CHLSN: variants seen among roughly 807,000 people sequenced by gnomAD.
The protein encoded by CHLSN is cholesin.
the CHLSN span, among the ~76,000 whole-genome samples, chr7:1,094,248 C>A: frequency 1.3e-5 from 2 of 152,218 alleles, no homozygotes; most frequent in Non-Finnish European, 2.9e-5. Flanking sequence ...TCCTTTCCCG[C>A]CTCACCCACC....
At chr7:1,063,223 G>A in the CHLSN span, among the ~76,000 whole-genome samples, 3 of 152,308 alleles carry the variant, frequency 2.0e-5, no homozygotes, top group South Asian at 4.1e-4. Context: ...TCCACGCGAC[G>A]CTGTCCCCAA....
At chr7:1,114,727 G>A in the CHLSN span, among the ~76,000 whole-genome samples, 172 of 152,376 alleles carry the variant, frequency 1.1e-3, 2 homozygotes, top group South Asian at 0.016. Flanking sequence ...GCAAGGAATC[G>A]CCAGGCCCAA....
At chr7:1,115,685 G>A in the CHLSN span, among the ~76,000 whole-genome samples, 21 of 118,522 alleles carry the variant, frequency 1.8e-4, 1 homozygote, top group African/African-American at 5.7e-4. Context: ...CATCACCAAC[G>A]CCCACGCAGG....
the CHLSN span, among the ~76,000 whole-genome samples, chr7:1,037,527 G>A: frequency 1.4e-5 from 2 of 144,192 alleles, no homozygotes; most frequent in African/African-American, 2.5e-5. Context: ...GATTGCAGAC[G>A]GAGTCTCGTT....
At chr7:991,733 C>A in the CHLSN span, among the ~76,000 whole-genome samples, 2 of 152,218 alleles carry the variant, frequency 1.3e-5, no homozygotes, top group African/African-American at 4.8e-5. Flanking sequence ...AGAAAATTCA[C>A]CATCAGCCAT....
At chr7:1,047,879 C>G in the CHLSN span, among the ~76,000 whole-genome samples, 1 of 152,236 alleles carries the variant, frequency 6.6e-6, no homozygotes, top group South Asian at 2.1e-4. Context: ...GTGGATCACT[C>G]GCCTTGGGGA....
chr7:1,090,665 C>T, the CHLSN span, among the ~76,000 whole-genome samples: 1 of 152,234 alleles, frequency 6.6e-6, no homozygotes, highest in Non-Finnish European at 1.5e-5. Context: ...GCCCGGGCAC[C>T]GCCGTGGGCG....
chr7:1,022,658 G>T, the CHLSN span, among the ~76,000 whole-genome samples: 6 of 152,166 alleles, frequency 3.9e-5, no homozygotes, highest in African/African-American at 7.2e-5. Flanking sequence ...CATCGATGTG[G>T]TCTTCTTAAT....
chr7:1,022,870 G>A, the CHLSN span: 1 of 382,918 alleles, frequency 2.6e-6, no homozygotes, highest in Non-Finnish European at 5.4e-6. Context: ...ACGCATACGA[G>A]TCCAGGGGCT....
chr7:1,016,129 G>C, the CHLSN span, among the ~76,000 whole-genome samples: 1 of 89,868 alleles, frequency 1.1e-5, no homozygotes, highest in African/African-American at 5.9e-5. Context: ...GCACACAGCA[G>C]CACACGCCAG....
At chr7:1,084,302 G>C in the CHLSN span, among the ~76,000 whole-genome samples, 12 of 152,232 alleles carry the variant, frequency 7.9e-5, no homozygotes, top group Non-Finnish European at 1.5e-4. Flanking sequence ...ATGCCCTCCC[G>C]GGGGCGTGGG....
chr7:1,005,448 G>A, the CHLSN span, among the ~76,000 whole-genome samples: 8 of 152,382 alleles, frequency 5.2e-5, no homozygotes, highest in African/African-American at 1.9e-4. Context: ...CAGCCGCGGT[G>A]AGCTGACGAC....
chr7:1,034,485 G>A, the CHLSN span, among the ~76,000 whole-genome samples: 2 of 152,100 alleles, frequency 1.3e-5, no homozygotes, highest in African/African-American at 2.4e-5. Context: ...GAAATACGAT[G>A]ACTAGAAGGA....
At chr7:1,009,830 G>C in the CHLSN span, 1 of 886,016 alleles carries the variant, frequency 1.1e-6, no homozygotes, top group South Asian at 1.8e-5. Flanking sequence ...TGGCATGAAC[G>C]CTCATACCTC....
At chr7:1,006,367 G>A in the CHLSN span, among the ~76,000 whole-genome samples, 4 of 151,916 alleles carry the variant, frequency 2.6e-5, no homozygotes, top group South Asian at 2.1e-4. Context: ...AAGAGCGCAC[G>A]ACAGCCACAG....
At chr7:995,305 G>A in the CHLSN span, among the ~76,000 whole-genome samples, 1 of 152,234 alleles carries the variant, frequency 6.6e-6, no homozygotes, top group East Asian at 1.9e-4. Flanking sequence ...GCCCTGAGGA[G>A]CTTGGCACCT....
chr7:1,075,307 T>A, the CHLSN span, among the ~76,000 whole-genome samples: 1 of 151,990 alleles, frequency 6.6e-6, no homozygotes, highest in South Asian at 2.1e-4. Context: ...AGGTAGGAGA[T>A]TGAGACCAGC....
the CHLSN span, among the ~76,000 whole-genome samples, chr7:1,095,393 A>G: frequency 2.6e-4 from 39 of 151,794 alleles, no homozygotes; most frequent in Middle Eastern, 3.4e-3. Flanking sequence ...GCATGCTTCA[A>G]TGAAGCTCCC....
At chr7:1,054,458 C>T in the CHLSN span, among the ~76,000 whole-genome samples, 1 of 152,232 alleles carries the variant, frequency 6.6e-6, no homozygotes, top group Non-Finnish European at 1.5e-5. Context: ...TTCCCAGGTC[C>T]CGGCTGGGGT....
Sources: gnomAD v4.1 joint callset for allele counts (sites outside exome capture counted in the v4.1 genomes callset) on GRCh38, gnomAD v4.1.1 for gene constraint, MANE v1.5 for transcripts, NCBI Gene and HGNC (gene_info 2026-07-23, HGNC 2026-07-21) for gene names.